CEP41: variants seen among roughly 807,000 people sequenced by gnomAD.
The protein encoded by CEP41 is centrosomal protein 41, also known as centrosomal protein of 41 kDa.
CEP41 carries 32 observed loss-of-function variants against 44.3 expected under a neutral mutation model. The ratio of observed to expected loss-of-function variants is 0.72; its 90% CI spans 0.54 to 0.97. The LOEUF (loss-of-function observed/expected upper bound fraction) is 0.97. CEP41 is among the 50% of genes least tolerant of loss of function. The pLI is 0.00. For synonymous variants in CEP41, 151 were observed against 168.5 expected, an observed-to-expected ratio of 0.90 and a Z score of 0.80; for missense variants, 432 against 455.2, an observed-to-expected ratio of 0.95 and a Z score of 0.46.
rs567477213 is a variant in CEP41, at chr7:130,423,592, T to C, written c.97+4363A>G. Among the ~76,000 whole-genome samples the C allele has an allele frequency of 2.0e-3, 309 of 152,300 alleles. 1 individual carries two copies. Among genetic ancestry groups the C allele is most frequent in the Non-Finnish European group, 2.3e-3 (159 of 68,032 alleles). ...CAAAAAATTAGACATACAGTTACCA[T>C]ATGAAAAGCAATTCAAGTCCTAGGT... On this transcript the variant is annotated intron_variant, in intron 2 of 10. Transcript: ENST00000223208.
upstream of CEP41, chr7:130,441,126 T>C: frequency 1.3e-6 from 1 of 779,074 alleles, no homozygotes; most frequent in Non-Finnish European, 2.2e-6. Flanking sequence ...TACTCTCTCA[T>C]CTCAGGGTCG....
At chr7:130,402,832 G>A in intron 6 of CEP41, 33 bp from the exon 7 acceptor site, 1 of 1,613,446 alleles carries the variant, frequency 6.2e-7, no homozygotes, top group African/African-American at 1.3e-5. Context: ...GCAGAAACTA[G>A]TCAGAGGTTG....
intron 8 of CEP41, 132 bp from the exon 9 acceptor site, chr7:130,400,953 G>A (rs1449065469): frequency 1.4e-5 from 10 of 698,674 alleles, no homozygotes; most frequent in Admixed American, 6.1e-5. Flanking sequence ...CATTCCTACC[G>A]TCACACCAGC....
intron 5 of CEP41, 135 bp downstream of exon 5, chr7:130,410,987 T>C (rs1220810236): frequency 1.2e-6 from 1 of 836,980 alleles, no homozygotes; most frequent in African/African-American, 1.7e-5. Flanking sequence ...AGCATTTCCC[T>C]GAGAGTAACA....
chr7:130,433,568 G>GAA (rs1427785735), intron 1 of CEP41, among the ~76,000 whole-genome samples: 8 of 152,082 alleles, frequency 5.3e-5, no homozygotes, highest in African/African-American at 1.9e-4. Flanking sequence ...CAGGCTCTTT[G>GAA]AAAACAACCA....
At chr7:130,399,673 A>G (rs1796781756) in intron 10 of CEP41, 2 of 255,486 alleles carry the variant, frequency 7.8e-6, no homozygotes, top group South Asian at 4.9e-5. Context: ...CAAAAAAATT[A>G]GCCTGGTGTG....
At chr7:130,416,693 T>C (rs1024906320) in intron 3 of CEP41, among the ~76,000 whole-genome samples, 1 of 152,202 alleles carries the variant, frequency 6.6e-6, no homozygotes, top group Non-Finnish European at 1.5e-5. Flanking sequence ...TAATGTCTCC[T>C]ATGGGATGGA....
rs552744746 is a variant in CEP41 at position 130,436,187 on chromosome 7, T to C, written c.33+4747A>G. On this transcript the variant is annotated intron_variant, in intron 1 of 10. Transcript: ENST00000223208. The stretch of plus-strand genomic sequence containing the variant: ...AAACAAAACAAAACAAAAAAACTGC[T>C]GTACATTCATACCACAGAATACTGA... 2.6e-5 allele frequency among the ~76,000 whole-genome samples: 4 copies of C among 152,038 alleles called. No individual in the cohort carries two copies. In the East Asian group the frequency reaches 7.7e-4, roughly 29 times the overall value.
intron 5 of CEP41, 135 bp downstream of exon 5, chr7:130,410,987 T>G (rs1220810236): frequency 3.0e-5 from 25 of 836,980 alleles, no homozygotes; most frequent in Non-Finnish European, 2.7e-5. Flanking sequence ...AGCATTTCCC[T>G]GAGAGTAACA....
intron 5 of CEP41, among the ~76,000 whole-genome samples, chr7:130,407,597 GGAGAACTACT>G (rs1390246913): frequency 6.6e-6 from 1 of 152,004 alleles, no homozygotes; most frequent in African/African-American, 2.4e-5. Context: ...GTGGGTAAAG[GGAGAACTACT>G]GAGTATATGG....
In CEP41 at chr7:130,399,340, G is replaced by A. The variant is rs996721544; in HGVS notation, c.974-301C>T. On this transcript the variant is annotated intron_variant, in intron 10 of 10. Coordinates refer to ENST00000223208, the MANE Select transcript of CEP41 (RefSeq NM_018718.3). Reference sequence around the variant, plus strand: ...TCCTTGGTAGAGAGGATGCAGACGAGGAGTGATTTGGGGAAAGAAAAGAGA... The same window carrying A: ...TCCTTGGTAGAGAGGATGCAGACGAAGAGTGATTTGGGGAAAGAAAAGAGA... The A allele has an allele frequency of 8.0e-5, 34 of 422,720 alleles. No individual in the cohort carries two copies. The East Asian group carries it at 1.7e-3, about 21-fold the overall frequency. The allele number at this position is 422,720 out of a possible 1,614,324, so 26.2% of individuals were successfully genotyped here. A position where few individuals can be genotyped will look rare whatever the true frequency, so the allele number is the denominator to read the frequency against.
intron 5 of CEP41, among the ~76,000 whole-genome samples, chr7:130,408,780 C>T (rs573328437): frequency 1.3e-5 from 2 of 152,116 alleles, no homozygotes; most frequent in African/African-American, 4.8e-5. Flanking sequence ...TACATTGCAG[C>T]ATTATTTTAT....
chr7:130,436,759 C>A (rs1797977312), intron 1 of CEP41, among the ~76,000 whole-genome samples: 1 of 151,938 alleles, frequency 6.6e-6, no homozygotes. Flanking sequence ...ATGGGCTGGG[C>A]ACAGTGGCTC....
chr7:130,428,807 AG>A (rs1554424379), intron 1 of CEP41, among the ~76,000 whole-genome samples: 2 of 151,902 alleles, frequency 1.3e-5, no homozygotes, highest in Non-Finnish European at 2.9e-5. Flanking sequence ...GCTACTTGGG[AG>A]GCTGAGGCAG....
At position 130,432,532 on chromosome 7, in the gene CEP41, G is replaced by A. The variant is rs1005395801; in HGVS notation, c.34-4514C>T. The stretch of plus-strand genomic sequence containing the variant: ...TTTGGGAGGCCAAAGTGGGAGGATC[G>A]CTTGAGCCCAGCAGTTCAAGACCAG... On this transcript the variant is annotated intron_variant, in intron 1 of 10. Coordinates refer to ENST00000223208, the MANE Select transcript of CEP41 (RefSeq NM_018718.3). 4.1e-4 allele frequency among the ~76,000 whole-genome samples: 60 copies of A among 147,014 alleles called. 3 individuals carry two copies. Among genetic ancestry groups the A allele is most frequent in the African/African-American group, 2.0e-4 (8 of 39,334 alleles).
chr7:130,430,170 C>G (rs1164852100), intron 1 of CEP41, among the ~76,000 whole-genome samples: 1 of 151,904 alleles, frequency 6.6e-6, no homozygotes, highest in African/African-American at 2.4e-5. Context: ...GATTTCAGGA[C>G]CAGGGAGAAT....
chr7:130,397,283 G>A lies in CEP41; in HGVS notation c.*1608C>T, dbSNP rs782344626. The A allele has an allele frequency of 2.0e-5, 9 of 454,486 alleles. No individual in the cohort carries two copies. Among genetic ancestry groups the A allele is most frequent in the South Asian group, 1.4e-4 (9 of 64,474 alleles). 28.2% of individuals were successfully genotyped at this position (454,486 alleles called of 1,614,324 possible). ...TTATACAAGATTCTTGAATCTTGTG[G>A]AAAATTGGGCATGGCTTGACATCTG... On this transcript the variant is annotated 3_prime_UTR_variant, in exon 11 of 11. Coordinates refer to ENST00000223208, the MANE Select transcript of CEP41 (RefSeq NM_018718.3).
rs2117551370 is a variant in CEP41, at chr7:130,400,023, G to T, written c.973+16C>A. 1.3e-6 allele frequency: 2 copies of T among 1,521,116 alleles called. No individual in the cohort carries two copies. The highest frequency in any genetic ancestry group is 1.8e-6 in the Non-Finnish European group (2 of 1,096,858). The allele number at this position is 1,521,116 out of a possible 1,614,324, so 94.2% of individuals were successfully genotyped here. ...CTGCAAACCAAACATTATCTTTAAA[G>T]GTCAAAAGATCTTACTAGGATGATC... On this transcript the variant is annotated intron_variant, in intron 10 of 10. Transcript: ENST00000223208.
chr7:130,432,007 G>A (rs201284799), intron 1 of CEP41, among the ~76,000 whole-genome samples: 3 of 152,250 alleles, frequency 2.0e-5, no homozygotes, highest in East Asian at 3.9e-4. Context: ...CAGGGGTGCT[G>A]CTAAATACCC....
Sources: gnomAD v4.1 joint callset for allele counts (sites outside exome capture counted in the v4.1 genomes callset) on GRCh38, gnomAD v4.1.1 for gene constraint, MANE v1.5 for transcripts, NCBI Gene and HGNC (gene_info 2026-07-23, HGNC 2026-07-21) for gene names.